MCTP1: variants seen among roughly 807,000 people sequenced by gnomAD.
MCTP1 encodes multiple C2 and transmembrane domain-containing protein 1.
In MCTP1, 69 loss-of-function variants were observed where a neutral mutation model predicts 120.6. That is an observed-to-expected ratio of 0.57 (90% confidence interval 0.47 to 0.70). The LOEUF (loss-of-function observed/expected upper bound fraction) is 0.70. MCTP1 is among the 30% of genes least tolerant of loss of function. MCTP1 has a pLI of 0.00. For missense variants in MCTP1, 1,203 were observed against 1,248.8 expected, an observed-to-expected ratio of 0.96 and a Z score of 0.55; for synonymous variants, 529 against 493.1, an observed-to-expected ratio of 1.07 and a Z score of -0.96.
intron 6 of MCTP1, chr5:94,929,767 C>A (rs555236780): frequency 7.0e-6 from 5 of 711,260 alleles, no homozygotes; most frequent in African/African-American, 1.9e-5. Context: ...TTTAACATTG[C>A]GCTCTTGTAA....
At chr5:94,998,584 T>C (rs747079534) in intron 2 of MCTP1, among the ~76,000 whole-genome samples, 14 of 152,108 alleles carry the variant, frequency 9.2e-5, no homozygotes, top group African/African-American at 1.7e-4. Flanking sequence ...TGTGAAGACA[T>C]TGGGGGTCTT....
chr5:94,806,717 C>A (rs965120515), intron 17 of MCTP1, among the ~76,000 whole-genome samples: 2 of 152,212 alleles, frequency 1.3e-5, no homozygotes, highest in Admixed American at 6.5e-5. Flanking sequence ...GAAATCTCAT[C>A]CAAAATGATT....
chr5:95,273,506 TAAAG>T (rs1233670213), intron 1 of MCTP1, among the ~76,000 whole-genome samples: 2 of 152,216 alleles, frequency 1.3e-5, no homozygotes, highest in Non-Finnish European at 2.9e-5. Flanking sequence ...TCAAGCACCA[TAAAG>T]ATTCAGCTAA....
chr5:94,897,189 G>GGTA (rs1804240718), intron 10 of MCTP1, among the ~76,000 whole-genome samples: 1 of 150,570 alleles, frequency 6.6e-6, no homozygotes, highest in Non-Finnish European at 1.5e-5. Flanking sequence ...TCAGCCTCCA[G>GGTA]GTAGCTGGGA....
intron 2 of MCTP1, among the ~76,000 whole-genome samples, chr5:95,013,358 C>T (rs879698935): frequency 1.3e-5 from 2 of 152,164 alleles, no homozygotes; most frequent in African/African-American, 2.4e-5. Context: ...CACTAAACAA[C>T]AGATTTTCAA....
intron 1 of MCTP1, among the ~76,000 whole-genome samples, chr5:95,164,237 G>A (rs1309638722): frequency 1.3e-5 from 2 of 152,026 alleles, no homozygotes; most frequent in African/African-American, 4.8e-5. Flanking sequence ...TTAAGAAAAT[G>A]ATGTAAACAA....
intron 1 of MCTP1, among the ~76,000 whole-genome samples, chr5:95,227,096 T>G (rs1429585611): frequency 1.3e-5 from 2 of 152,156 alleles, no homozygotes; most frequent in Admixed American, 1.3e-4. Context: ...CGAGGCAGAA[T>G]TTGATTTATT....
intron 2 of MCTP1, among the ~76,000 whole-genome samples, chr5:95,012,452 C>T (rs948952620): frequency 7.2e-5 from 11 of 151,942 alleles, no homozygotes; most frequent in Admixed American, 3.9e-4. Context: ...TGTTTGATTG[C>T]GCTTCCAAGG....
rs549604852 is a variant in MCTP1, at chr5:95,114,340, G to A, written c.721-96856C>T. ...CAGCCACATAGAAACAGAGCACCAA[G>A]CAGGCTATTGGGGTCACCAATTACA... On this transcript the variant is annotated intron_variant, in intron 1 of 22. Transcript: ENST00000515393. 1.4e-4 allele frequency among the ~76,000 whole-genome samples: 21 copies of A among 152,376 alleles called. No homozygotes were observed. The South Asian group carries it at 3.9e-3, about 29-fold the overall frequency.
intron 19 of MCTP1, among the ~76,000 whole-genome samples, chr5:94,748,975 TAC>T (rs1246557881): frequency 7.2e-5 from 11 of 152,212 alleles, no homozygotes; most frequent in Admixed American, 6.5e-4. Context: ...GGTCAAGAAA[TAC>T]AGTTTTGTTT....
intron 1 of MCTP1, among the ~76,000 whole-genome samples, chr5:95,091,548 A>C (rs1755845557): frequency 6.6e-6 from 1 of 152,146 alleles, no homozygotes; most frequent in African/African-American, 2.4e-5. Context: ...AGTCTCTCTT[A>C]AAGCCTTTAG....
intron 1 of MCTP1, among the ~76,000 whole-genome samples, chr5:95,169,770 T>C (rs1422153157): frequency 6.6e-6 from 1 of 152,208 alleles, no homozygotes; most frequent in African/African-American, 2.4e-5. Flanking sequence ...ATTGCATCTA[T>C]TTGATTCTTC....
intron 19 of MCTP1, among the ~76,000 whole-genome samples, chr5:94,743,337 A>C (rs959539214): frequency 6.6e-6 from 1 of 151,114 alleles, no homozygotes; most frequent in African/African-American, 2.4e-5. Context: ...AAGAGAGTCT[A>C]TGATATGCCA....
chr5:94,973,533 A>C (rs1827377427), intron 2 of MCTP1, among the ~76,000 whole-genome samples: 1 of 152,196 alleles, frequency 6.6e-6, no homozygotes, highest in East Asian at 1.9e-4. Context: ...AATAGTATGA[A>C]GACAGAGACC....
At chr5:95,282,393 G>C (rs1204803048) in intron 1 of MCTP1, among the ~76,000 whole-genome samples, 2 of 151,974 alleles carry the variant, frequency 1.3e-5, no homozygotes, top group South Asian at 2.1e-4. Flanking sequence ...ATTATTATTT[G>C]TTATTCTATT....
intron 17 of MCTP1, among the ~76,000 whole-genome samples, chr5:94,846,105 A>C (rs1331516337): frequency 6.0e-5 from 2 of 33,532 alleles, no homozygotes; most frequent in African/African-American, 2.6e-4. Flanking sequence ...TTCCTCAAAG[A>C]ACTTAAAACA....
intron 17 of MCTP1, among the ~76,000 whole-genome samples, chr5:94,852,541 T>C (rs1016841938): frequency 6.6e-6 from 1 of 151,950 alleles, no homozygotes; most frequent in African/African-American, 2.4e-5. Context: ...TGGATACTTA[T>C]CCTAAGGCTA....
At chr5:94,723,843 TTAAAA>T (rs1448829606) in intron 19 of MCTP1, among the ~76,000 whole-genome samples, 5 of 150,474 alleles carry the variant, frequency 3.3e-5, no homozygotes, top group African/African-American at 4.9e-5. Context: ...ACTCTAAATG[TTAAAA>T]TAAAAGCCAG....
At chr5:94,751,117 G>A (rs6883244) in intron 19 of MCTP1, among the ~76,000 whole-genome samples, 118,477 of 151,904 alleles carry the variant, frequency 0.78, 46,257 homozygotes, top group East Asian at 0.88. Flanking sequence ...AATACTGGCC[G>A]GGCTGAAGTA....
Sources: gnomAD v4.1 joint callset for allele counts (sites outside exome capture counted in the v4.1 genomes callset) on GRCh38, gnomAD v4.1.1 for gene constraint, MANE v1.5 for transcripts, NCBI Gene and HGNC (gene_info 2026-07-23, HGNC 2026-07-21) for gene names.